GALNT13: variants seen among roughly 807,000 people sequenced by gnomAD.
GALNT13 encodes the protein UDP-GalNAc:polypeptide N-acetylgalactosaminyltransferase 13.
In GALNT13, 28 loss-of-function variants were observed where a neutral mutation model predicts 64.2. That is an observed-to-expected ratio of 0.44 (90% CI 0.32 to 0.60). GALNT13 has a LOEUF of 0.60. Among genes scored for constraint, GALNT13 ranks in the 20% least tolerant of loss-of-function variants. The pLI is 0.05. For missense variants in GALNT13, 577 were observed against 669.8 expected (o/e 0.86, Z 1.53); for synonymous variants, 214 against 224.6 (o/e 0.95, Z 0.42).
At chr2:154,201,038 C>T (rs749870531) in intron 4 of GALNT13, among the ~76,000 whole-genome samples, 4 of 152,000 alleles carry the variant, frequency 2.6e-5, no homozygotes, top group Non-Finnish European at 5.9e-5. Context: ...TTTGAAGTCT[C>T]TTTATATGTA....
chr2:153,622,307 T>G, the GALNT13 span, among the ~76,000 whole-genome samples: 1 of 152,188 alleles, frequency 6.6e-6, no homozygotes, highest in African/African-American at 2.4e-5. Context: ...TACAAAGATC[T>G]TAAGTGATAT....
the GALNT13 span, among the ~76,000 whole-genome samples, chr2:153,393,558 A>C: frequency 1.3e-5 from 2 of 152,068 alleles, no homozygotes; most frequent in Non-Finnish European, 2.9e-5. Context: ...AGACAAAACA[A>C]ATTTATTACA....
chr2:153,999,331 G>A (rs558288961), intron 3 of GALNT13, among the ~76,000 whole-genome samples: 78 of 150,942 alleles, frequency 5.2e-4, no homozygotes, highest in Non-Finnish European at 8.7e-4. Context: ...AATTGCTGTG[G>A]CTAAGACTCC....
the GALNT13 span, among the ~76,000 whole-genome samples, chr2:153,771,819 G>A: frequency 1.6e-4 from 25 of 152,250 alleles, no homozygotes; most frequent in African/African-American, 5.3e-4. Context: ...CCAAATGCCT[G>A]GGAATATGCC....
intron 3 of GALNT13, among the ~76,000 whole-genome samples, chr2:154,105,906 T>C (rs1702589962): frequency 1.3e-5 from 2 of 152,168 alleles, no homozygotes; most frequent in Non-Finnish European, 2.9e-5. Context: ...AGACAACAAC[T>C]GGATAGCGTA....
intron 3 of GALNT13, among the ~76,000 whole-genome samples, chr2:154,043,518 AAC>A (rs1471164917): frequency 1.3e-5 from 2 of 149,584 alleles, no homozygotes; most frequent in African/African-American, 4.9e-5. Flanking sequence ...TTAAAAATCT[AAC>A]AGTTATTTGC....
At chr2:153,682,063 G>A in the GALNT13 span, among the ~76,000 whole-genome samples, 1 of 151,710 alleles carries the variant, frequency 6.6e-6, no homozygotes, top group African/African-American at 2.4e-5. Context: ...GTTCAATGTC[G>A]TGGCATATAC....
chr2:154,042,996 A>G (rs574211391), intron 3 of GALNT13, among the ~76,000 whole-genome samples: 1 of 152,148 alleles, frequency 6.6e-6, no homozygotes. Flanking sequence ...TATTTCCCTA[A>G]TATGGGAGAT....
the GALNT13 span, among the ~76,000 whole-genome samples, chr2:153,779,211 C>T: frequency 4.6e-5 from 7 of 151,916 alleles, no homozygotes; most frequent in African/African-American, 7.2e-5. Context: ...TTGTTCTAGA[C>T]GCAAAACATA....
rs987555274 is a variant in GALNT13 at position 154,012,801 on chromosome 2, A to T, written c.142+68162A>T. Reference sequence around the variant, plus strand: ...TATGTCTGATTGAGTTAATTTTGAGAACTAGTCTTTGAGCTCTCAGATTGT... The same window carrying T: ...TATGTCTGATTGAGTTAATTTTGAGTACTAGTCTTTGAGCTCTCAGATTGT... On this transcript the variant is annotated intron_variant, in intron 3 of 12. Transcript: ENST00000392825. Among the ~76,000 whole-genome samples, 11 of 151,926 alleles carry T rather than the reference A, an allele frequency of 7.2e-5. 1 individual carries two copies. The East Asian group carries it at 1.2e-3, about 16-fold the overall frequency.
intron 3 of GALNT13, among the ~76,000 whole-genome samples, chr2:153,960,085 A>G (rs1692839129): frequency 6.6e-6 from 1 of 152,188 alleles, no homozygotes; most frequent in South Asian, 2.1e-4. Context: ...CCTGCCAGGG[A>G]AAATAGTGGC....
the GALNT13 span, among the ~76,000 whole-genome samples, chr2:153,695,567 A>G: frequency 5.9e-5 from 9 of 152,254 alleles, no homozygotes; most frequent in Non-Finnish European, 8.8e-5. Flanking sequence ...CACCCTAAAT[A>G]CATGTAGAGG....
the GALNT13 span, among the ~76,000 whole-genome samples, chr2:153,402,537 C>A: frequency 1.3e-5 from 2 of 151,828 alleles, no homozygotes; most frequent in African/African-American, 4.8e-5. Flanking sequence ...CAACTTGGTT[C>A]CATTCTCCCC....
chr2:154,145,959 G>GAA (rs1486396314), intron 4 of GALNT13, among the ~76,000 whole-genome samples: 1 of 151,804 alleles, frequency 6.6e-6, no homozygotes, highest in Non-Finnish European at 1.5e-5. Flanking sequence ...TTTAATTTGA[G>GAA]AATTATTGCA....
At chr2:154,312,382 A>G (rs541895284) in intron 9 of GALNT13, among the ~76,000 whole-genome samples, 3 of 152,194 alleles carry the variant, frequency 2.0e-5, no homozygotes, top group African/African-American at 7.2e-5. Flanking sequence ...TTTTCTAATG[A>G]CATTGGGATT....
chr2:154,274,929 G>A (rs1160616322), intron 8 of GALNT13, among the ~76,000 whole-genome samples: 2 of 152,110 alleles, frequency 1.3e-5, no homozygotes, highest in African/African-American at 4.8e-5. Flanking sequence ...TAGTGATACG[G>A]ACAACAAAGT....
the GALNT13 span, among the ~76,000 whole-genome samples, chr2:153,251,412 A>G: frequency 6.6e-6 from 1 of 152,082 alleles, no homozygotes; most frequent in African/African-American, 2.4e-5. Flanking sequence ...TCCTCTTTTA[A>G]TGATGATTTT....
intron 3 of GALNT13, among the ~76,000 whole-genome samples, chr2:153,948,780 CACTT>C (rs1175063574): frequency 6.6e-6 from 1 of 152,106 alleles, no homozygotes; most frequent in African/African-American, 2.4e-5. Flanking sequence ...CTCATGTTCT[CACTT>C]ATAAGTGGGA....
At chr2:154,024,574 A>G (rs1409678470) in intron 3 of GALNT13, among the ~76,000 whole-genome samples, 2 of 151,884 alleles carry the variant, frequency 1.3e-5, no homozygotes, top group African/African-American at 4.8e-5. Flanking sequence ...TGCGTTGGTT[A>G]TTCTAGTTAT....
Sources: gnomAD v4.1 joint callset for allele counts (sites outside exome capture counted in the v4.1 genomes callset) on GRCh38, gnomAD v4.1.1 for gene constraint, MANE v1.5 for transcripts, NCBI Gene and HGNC (gene_info 2026-07-23, HGNC 2026-07-21) for gene names.